Variants in POLQ observed in about 807,000 individuals in gnomAD.
The protein encoded by POLQ is epididymis secretory sperm binding protein.
In POLQ, 233 loss-of-function variants were observed where a neutral mutation model predicts 259.2. The ratio of observed to expected loss-of-function variants is 0.90; its 90% CI spans 0.81 to 1.00. The LOEUF (loss-of-function observed/expected upper bound fraction) is 1.00. Ranked by LOEUF, POLQ falls within the 50% of genes least tolerant of loss-of-function variation. The pLI, the probability that POLQ is intolerant of heterozygous loss-of-function variation, is 0.00. For missense variants in POLQ, 2,871 were observed against 3,051.6 expected (o/e 0.94, Z 1.39); for synonymous variants, 1,025 against 1,048.8 (o/e 0.98, Z 0.44).
chr3:121,437,400 GA>G (rs1051359020), intron 27 of POLQ, among the ~76,000 whole-genome samples: 4 of 152,118 alleles, frequency 2.6e-5, no homozygotes, highest in African/African-American at 9.7e-5. Context: ...ATTTACCCAT[GA>G]AAAAATAACT....
In POLQ at chr3:121,494,580, C is replaced by T. The variant is rs988190294; in HGVS notation, c.2279-859G>A. 1.9e-6 allele frequency: 3 copies of T among 1,572,996 alleles called. No individual in the cohort carries two copies. In the African/African-American group the frequency reaches 4.0e-5, roughly 21 times the overall value. On this transcript the variant is annotated intron_variant, in intron 14 of 29. Coordinates refer to ENST00000264233, the MANE Select transcript of POLQ (RefSeq NM_199420.4). ...AAGAAAGCTCAGCTGGTGGTGATTGCACACAACGCGGATCCCATCAAGCTG... is the reference window on the plus strand; with the variant it reads ...AAGAAAGCTCAGCTGGTGGTGATTGTACACAACGCGGATCCCATCAAGCTG...
At position 121,436,129 on chromosome 3, in the gene POLQ, G is replaced by A. The variant is rs775811252; in HGVS notation, c.7536C>T (p.Asp2512=). 2.5e-6 allele frequency: 4 copies of A among 1,613,102 alleles called. No homozygotes were observed. In the East Asian group the frequency reaches 6.7e-5, roughly 27 times the overall value. The change falls in exon 28 of 30, where the codon GAC becomes GAT. Residue 2512 remains aspartate, a synonymous_variant. Transcript: ENST00000264233. ...CCTCATCTATGAACAAACCTGTTTG[G>A]TCACTTTGGAGCATACCCTCTCGAT... ...HGHREGMLQS[D]QTGLSRKRKL...
Position 121,489,510 on chromosome 3 carries a change from A to G in POLQ, c.3421T>C (p.Ser1141Pro), listed in dbSNP as rs2048045745. ...TGACAAGTCACATTTTTACTCTGAG[A>G]TCCTGTGACAATATGCTCCACAAAA... Reference protein sequence around the residue: ...DNFVEHIVTGSQSKNVTCQAT... With the variant: ...DNFVEHIVTGPQSKNVTCQAT... Residue 1141 changes from serine to proline, a missense_variant, in exon 16 of 30, where the codon TCT becomes CCT. By Grantham distance (74) the Ser-to-Pro change is moderately conservative. Coordinates refer to ENST00000264233, the MANE Select transcript of POLQ (RefSeq NM_199420.4). 6.2e-7 allele frequency: 1 copy of G among 1,613,952 alleles called. No individual in the cohort carries two copies. The highest frequency in any genetic ancestry group is 1.3e-5 in the African/African-American group (1 of 75,010).
chr3:121,468,370 C>CAAACCAACTAG lies in POLQ; in HGVS notation c.6779_6780insCTAGTTGGTTT (p.Met2260IlefsTer2), dbSNP rs775109604. The CAAACCAACTAG allele has an allele frequency of 1.9e-6, 3 of 1,610,972 alleles. No individual in the cohort carries two copies. The East Asian group carries it at 6.7e-5, about 36-fold the overall frequency. On this transcript the variant is annotated stop_gained and frameshift_variant, in exon 23 of 30. Transcript: ENST00000264233. LOFTEE classifies it high-confidence loss of function. ...GTGGGCTTTCTCCTACTAGTGTTGGCATTTTGATTTCAAAATCTCTTGGCA... is the reference window on the plus strand; with the variant it reads ...GTGGGCTTTCTCCTACTAGTGTTGGCAAACCAACTAGATTTTGATTTCAAAATCTCTTGGCA...
intron 26 of POLQ, among the ~76,000 whole-genome samples, chr3:121,445,877 A>C (rs1343884673): frequency 1.3e-5 from 2 of 151,266 alleles, no homozygotes; most frequent in Admixed American, 6.6e-5. Context: ...AAAAAAAAAC[A>C]ACCAATAACC....
intron 12 of POLQ, among the ~76,000 whole-genome samples, chr3:121,501,045 C>T (rs1385337045): frequency 6.6e-6 from 1 of 152,162 alleles, no homozygotes; most frequent in Non-Finnish European, 1.5e-5. Flanking sequence ...CTCACTGCAA[C>T]CTCCACCTCC....
chr3:121,489,803 T>C lies in POLQ; in HGVS notation c.3128A>G (p.Lys1043Arg). Residue 1043 changes from lysine to arginine, a missense_variant, in exon 16 of 30, where the codon AAA becomes AGA. Transcript: ENST00000264233. ...AGATCGCTTTAGATGCTTTCTACGT[T>C]TCCAAGATCGAAAACTTCTGCTCAT... ...EKMSRSFRSW[K>R]RRKHLKRSRD... 3.1e-6 allele frequency: 5 copies of C among 1,612,954 alleles called. No individual in the cohort carries two copies. The highest frequency in any genetic ancestry group is 4.2e-6 in the Non-Finnish European group (5 of 1,179,846).
intron 5 of POLQ, among the ~76,000 whole-genome samples, chr3:121,534,178 T>A (rs1204815559): frequency 6.6e-6 from 1 of 152,024 alleles, no homozygotes; most frequent in Non-Finnish European, 1.5e-5. Context: ...GCCCAGCCGA[T>A]ACTGTTTCAA....
chr3:121,440,045 T>C lies in POLQ; in HGVS notation c.7336A>G (p.Arg2446Gly). The C allele has an allele frequency of 6.2e-7, 1 of 1,613,002 alleles. No individual in the cohort carries two copies. The highest frequency in any genetic ancestry group is 8.5e-7 in the Non-Finnish European group (1 of 1,179,012). ...TTGATTCCTGGCAAATATCTACGCC[T>C]TCCCAAAATGGTCTGAACAAATCCG... ...RDGFVQTILG[R>G]RRYLPGIKDN... Residue 2446 changes from arginine to glycine, a missense_variant, in exon 27 of 30, where the codon AGG becomes GGG. Physicochemically the swap from Arg to Gly is moderately radical, Grantham distance 125. Transcript: ENST00000264233.
chr3:121,486,179 C>T (rs973957827), intron 16 of POLQ, among the ~76,000 whole-genome samples: 1 of 152,182 alleles, frequency 6.6e-6, no homozygotes, highest in Non-Finnish European at 1.5e-5. Context: ...CTAATGTACA[C>T]TGTGAAGAAC....
intron 9 of POLQ, among the ~76,000 whole-genome samples, chr3:121,516,197 T>C (rs1027584767): frequency 5.9e-5 from 9 of 152,120 alleles, no homozygotes; most frequent in Admixed American, 5.2e-4. Context: ...CTTAATTCCA[T>C]CATTTTGCAT....
chr3:121,537,005 C>A, intron 5 of POLQ, 95 bp downstream of exon 5: 1 of 683,678 alleles, frequency 1.5e-6, no homozygotes. Context: ...AAATATTACA[C>A]TCCCTTAATT....
intron 7 of POLQ, among the ~76,000 whole-genome samples, chr3:121,522,473 G>A (rs1226972845): frequency 6.7e-6 from 1 of 149,602 alleles, no homozygotes; most frequent in Admixed American, 6.7e-5. Flanking sequence ...CACCGCGCCC[G>A]GCTAATTTTT....
At chr3:121,509,495 T>C in intron 12 of POLQ, 66 bp downstream of exon 12, 4 of 1,382,438 alleles carry the variant, frequency 2.9e-6, no homozygotes, top group Non-Finnish European at 2.0e-6. Flanking sequence ...ATCTTTGATG[T>C]TCAGGATTAT....
At chr3:121,469,720 C>CA (rs1426557968) in intron 22 of POLQ, among the ~76,000 whole-genome samples, 12 of 150,432 alleles carry the variant, frequency 8.0e-5, no homozygotes, top group Admixed American at 3.3e-4. Context: ...ACTGGCAGAC[C>CA]AAAAAAAATG....
intron 5 of POLQ, among the ~76,000 whole-genome samples, chr3:121,536,787 G>C (rs1204366140): frequency 6.6e-6 from 1 of 152,062 alleles, no homozygotes. Flanking sequence ...TGGGACTACA[G>C]GTGTGTGCCA....
intron 2 of POLQ, 89 bp downstream of exon 2, chr3:121,544,638 A>T (rs2048515784): frequency 3.8e-6 from 3 of 794,264 alleles, no homozygotes; most frequent in Non-Finnish European, 6.2e-6. Flanking sequence ...TGCCTCATTC[A>T]CCTTTTAAAC....
intron 14 of POLQ, 147 bp from the exon 15 acceptor site, chr3:121,493,868 C>G: frequency 1.5e-6 from 1 of 678,654 alleles, no homozygotes; most frequent in Non-Finnish European, 2.5e-6. Context: ...AACAAGGGAG[C>G]AGATATATAT....
At chr3:121,458,805 C>T (rs948359587) in intron 25 of POLQ, among the ~76,000 whole-genome samples, 1 of 152,120 alleles carries the variant, frequency 6.6e-6, no homozygotes, top group South Asian at 2.1e-4. Flanking sequence ...GATCCCAGCA[C>T]TTCGGGAGGC....
Sources: gnomAD v4.1 joint callset for allele counts (sites outside exome capture counted in the v4.1 genomes callset) on GRCh38, gnomAD v4.1.1 for gene constraint, MANE v1.5 for transcripts, NCBI Gene and HGNC (gene_info 2026-07-23, HGNC 2026-07-21) for gene names.